Variants in GABRB1 observed in about 807,000 individuals in gnomAD.
GABRB1 encodes the protein gamma-aminobutyric acid type A receptor subunit beta1.
In GABRB1, 17 loss-of-function variants were observed where a neutral mutation model predicts 51.6. That is an observed-to-expected ratio of 0.33 (90% CI 0.23 to 0.49). The LOEUF is 0.49. Among genes scored for constraint, GABRB1 ranks in the 20% least tolerant of loss-of-function variants. The probability of loss-of-function intolerance (pLI) is 0.99; values close to 1 mark genes in which losing one functional copy is unlikely to be tolerated. For missense variants in GABRB1, 410 were observed against 600.6 expected (o/e 0.68, Z 3.32); for synonymous variants, 247 against 218.9 (o/e 1.13, Z -1.14).
At chr4:47,047,683 G>C (rs1726158650) in intron 3 of GABRB1, among the ~76,000 whole-genome samples, 1 of 152,100 alleles carries the variant, frequency 6.6e-6, no homozygotes, top group Non-Finnish European at 1.5e-5. Flanking sequence ...ATTTATTCCT[G>C]AGTTAAACTT....
chr4:47,165,427 C>G (rs531811335), intron 4 of GABRB1, among the ~76,000 whole-genome samples: 100 of 152,104 alleles, frequency 6.6e-4, no homozygotes, highest in African/African-American at 1.9e-3. Context: ...CCTCTATCTC[C>G]AACAACATGG....
intron 5 of GABRB1, among the ~76,000 whole-genome samples, chr4:47,348,931 C>T (rs1255271273): frequency 6.6e-6 from 1 of 152,068 alleles, no homozygotes; most frequent in Non-Finnish European, 1.5e-5. Context: ...CTAGATGAGA[C>T]TTGGTAAAGT....
chr4:47,015,286 T>C (rs939123860), intron 1 of GABRB1, among the ~76,000 whole-genome samples: 6 of 152,212 alleles, frequency 3.9e-5, no homozygotes, highest in Admixed American at 1.3e-4. Context: ...TATAATAATA[T>C]AGAATAACAA....
chr4:47,158,332 T>A (rs1717788380), intron 3 of GABRB1, among the ~76,000 whole-genome samples: 1 of 152,134 alleles, frequency 6.6e-6, no homozygotes, highest in African/African-American at 2.4e-5. Context: ...TGTTTTCAAA[T>A]ATCTGTACAT....
chr4:47,161,879 C>T (rs1717970840), intron 4 of GABRB1, among the ~76,000 whole-genome samples: 1 of 151,958 alleles, frequency 6.6e-6, no homozygotes. Flanking sequence ...ACCATGAACA[C>T]TAAGCTGAAA....
intron 5 of GABRB1, among the ~76,000 whole-genome samples, chr4:47,372,246 T>C (rs912580593): frequency 1.1e-4 from 17 of 152,238 alleles, no homozygotes; most frequent in Admixed American, 7.8e-4. Context: ...CCGATAGTTG[T>C]AGTGTGCAGT....
intron 4 of GABRB1, among the ~76,000 whole-genome samples, chr4:47,219,160 T>A (rs1259945175): frequency 6.6e-6 from 1 of 151,882 alleles, no homozygotes; most frequent in East Asian, 1.9e-4. Flanking sequence ...AATATGGAAA[T>A]GTTAATAAAA....
intron 4 of GABRB1, among the ~76,000 whole-genome samples, chr4:47,286,418 A>T (rs1723510202): frequency 6.6e-6 from 1 of 152,014 alleles, no homozygotes; most frequent in South Asian, 2.1e-4. Context: ...CCCTTCAGTG[A>T]CTCTCCATTG....
At chr4:47,199,795 G>A (rs1719827964) in intron 4 of GABRB1, among the ~76,000 whole-genome samples, 1 of 152,142 alleles carries the variant, frequency 6.6e-6, no homozygotes. Context: ...AATGTTCAAT[G>A]TTGGAAGAAT....
chr4:47,370,696 A>G (rs548239428), intron 5 of GABRB1, among the ~76,000 whole-genome samples: 1 of 152,246 alleles, frequency 6.6e-6, no homozygotes, highest in South Asian at 2.1e-4. Context: ...TAACCATCTG[A>G]ACACTAGAGA....
chr4:47,301,488 G>A (rs1345830761), intron 4 of GABRB1, among the ~76,000 whole-genome samples: 3 of 151,896 alleles, frequency 2.0e-5, no homozygotes, highest in Non-Finnish European at 4.4e-5. Context: ...AAAAAATTTA[G>A]CCAGGCATGG....
At chr4:47,377,392 T>TCTG (rs34359350) in intron 5 of GABRB1, among the ~76,000 whole-genome samples, 34,607 of 150,766 alleles carry the variant, frequency 0.23, 6,075 homozygotes, top group African/African-American at 0.49. Context: ...GTTTGTTCCT[T>TCTG]ATGTTCGGAA....
intron 5 of GABRB1, among the ~76,000 whole-genome samples, chr4:47,330,127 C>T (rs1005315646): frequency 1.2e-4 from 18 of 152,164 alleles, no homozygotes; most frequent in Non-Finnish European, 2.6e-4. Context: ...GGTAGTCAGA[C>T]AGGAGGAATT....
chr4:47,376,785 T>C (rs1031212841), intron 5 of GABRB1, among the ~76,000 whole-genome samples: 2 of 151,830 alleles, frequency 1.3e-5, no homozygotes, highest in African/African-American at 4.8e-5. Context: ...GTGACAGTAA[T>C]GTTCTACTTC....
rs546380478 is a variant in GABRB1, at chr4:47,144,511, T to C, written c.241-16738T>C. Among the ~76,000 whole-genome samples, 9 of 152,094 alleles carry C rather than the reference T, an allele frequency of 5.9e-5. No individual in the cohort carries two copies. The South Asian group carries it at 1.9e-3, about 32-fold the overall frequency. Reference sequence around the variant, plus strand: ...CATCTTTCAGTGTCCCTGAGTTATATTTGCCGTGGTAACAACTACTACTTG... The same window carrying C: ...CATCTTTCAGTGTCCCTGAGTTATACTTGCCGTGGTAACAACTACTACTTG... On this transcript the variant is annotated intron_variant, in intron 3 of 8. Coordinates refer to ENST00000295454, the MANE Select transcript of GABRB1 (RefSeq NM_000812.4).
intron 4 of GABRB1, among the ~76,000 whole-genome samples, chr4:47,317,061 C>G (rs1047219354): frequency 6.6e-6 from 1 of 151,896 alleles, no homozygotes; most frequent in African/African-American, 2.4e-5. Flanking sequence ...TGTAAACCAT[C>G]ATTGTAGCAG....
chr4:47,301,537 G>A (rs567648781), intron 4 of GABRB1, among the ~76,000 whole-genome samples: 1 of 151,640 alleles, frequency 6.6e-6, no homozygotes, highest in African/African-American at 2.4e-5. Flanking sequence ...GGGAGACTAA[G>A]GTCAGGGGAT....
chr4:47,092,161 CTTTCTTTTTTTT>C (rs1457234103), intron 3 of GABRB1, among the ~76,000 whole-genome samples: 6 of 68,218 alleles, frequency 8.8e-5, no homozygotes, highest in Non-Finnish European at 1.7e-4. Context: ...TTCTTTCTTT[CTTTCTTTTTTTT>C]TTTTTTTTTT....
At chr4:47,225,433 G>T (rs112437238) in intron 4 of GABRB1, among the ~76,000 whole-genome samples, 1 of 152,122 alleles carries the variant, frequency 6.6e-6, no homozygotes, top group Non-Finnish European at 1.5e-5. Flanking sequence ...TGAGGGTGGG[G>T]TGGAATTAAT....
Sources: allele counts gnomAD v4.1 joint callset (sites outside exome capture counted in the v4.1 genomes callset), GRCh38; gene constraint gnomAD v4.1.1; transcripts MANE v1.5; gene names NCBI Gene and HGNC (gene_info 2026-07-23, HGNC 2026-07-21).